SLC9A8: variants seen among roughly 807,000 people sequenced by gnomAD.
SLC9A8 encodes solute carrier family 9 member A8.
SLC9A8 carries 48 observed loss-of-function variants against 66.6 expected under a neutral mutation model. The observed-to-expected ratio is 0.72, with a 90% CI of 0.57 to 0.92. The LOEUF (loss-of-function observed/expected upper bound fraction) is 0.92, where lower values mean the gene tolerates loss of function less well. SLC9A8 is among the 40% of genes least tolerant of loss of function. The pLI is 0.00. For missense variants in SLC9A8, 599 were observed against 747.3 expected (o/e 0.80, Z 2.31); for synonymous variants, 274 against 282.6 (o/e 0.97, Z 0.31).
intron 3 of SLC9A8, among the ~76,000 whole-genome samples, chr20:49,834,183 CTCTATATATATATA>C (rs1403038119): frequency 5.5e-3 from 202 of 36,988 alleles, no homozygotes; most frequent in Middle Eastern, 0.015. Context: ...CTCTCTCTCT[CTCTATATATATATA>C]TATATATATA....
rs1301717822 is a variant in SLC9A8, at chr20:49,866,266, T to C, written c.958+1422T>C. ...CGTGTTTTTGCGTGTGGCAGTAGTT[T>C]ATCGTTCTTATTGCACCACAGTTTG... is the stretch of plus-strand genomic sequence containing the variant. On this transcript the variant is annotated intron_variant, in intron 10 of 15. Transcript: ENST00000361573. Among the ~76,000 whole-genome samples, 6 of 152,342 alleles carry C rather than the reference T, an allele frequency of 3.9e-5. No individual in the cohort carries two copies. In the East Asian group the frequency reaches 7.7e-4, roughly 20 times the overall value.
Position 49,884,068 on chromosome 20 carries a change from T to C in SLC9A8, c.1491+2T>C. 6.2e-7 allele frequency: 1 copy of C among 1,612,922 alleles called. No homozygotes were observed. The highest frequency in any genetic ancestry group is 8.5e-7 in the Non-Finnish European group (1 of 1,179,626). Reference sequence around the variant, plus strand: ...AACCTCAGCAAGACTGAGAAGATGGTTAGTACCATGCGCCTGTGGGGGTGG... The same window carrying C: ...AACCTCAGCAAGACTGAGAAGATGGCTAGTACCATGCGCCTGTGGGGGTGG... On this transcript the variant is annotated splice_donor_variant, in intron 14 of 15. Coordinates refer to ENST00000361573, the MANE Select transcript of SLC9A8 (RefSeq NM_015266.3). LOFTEE classifies it high-confidence loss of function.
chr20:49,843,645 G>C (rs1482696680), intron 4 of SLC9A8, among the ~76,000 whole-genome samples: 1 of 152,104 alleles, frequency 6.6e-6, no homozygotes, highest in Non-Finnish European at 1.5e-5. Flanking sequence ...CCAACAACTA[G>C]AGAGATATAT....
intron 12 of SLC9A8, among the ~76,000 whole-genome samples, chr20:49,879,616 G>A (rs1489949355): frequency 5.3e-5 from 8 of 152,092 alleles, no homozygotes; most frequent in Admixed American, 5.2e-4. Context: ...CTTGAGGTCA[G>A]CAGTTTGAGA....
intron 5 of SLC9A8, among the ~76,000 whole-genome samples, chr20:49,848,330 T>C (rs2088097871): frequency 6.6e-6 from 1 of 152,222 alleles, no homozygotes; most frequent in Admixed American, 6.5e-5. Context: ...TAAAATTCTT[T>C]GTGCAGTAAA....
chr20:49,813,628 T>C (rs568336189), intron 1 of SLC9A8, among the ~76,000 whole-genome samples: 7 of 152,356 alleles, frequency 4.6e-5, no homozygotes, highest in Admixed American at 2.0e-4. Context: ...TTTTCTCACG[T>C]CTGCAGTTCT....
intron 7 of SLC9A8, among the ~76,000 whole-genome samples, chr20:49,854,617 G>C (rs935325310): frequency 3.3e-5 from 5 of 152,112 alleles, no homozygotes; most frequent in African/African-American, 9.7e-5. Context: ...TCTACTGTTG[G>C]GGGTAGGAGT....
At chr20:49,887,385 G>T (rs577819685) in intron 15 of SLC9A8, among the ~76,000 whole-genome samples, 1 of 152,094 alleles carries the variant, frequency 6.6e-6, no homozygotes, top group Non-Finnish European at 1.5e-5. Context: ...GAGAGCTGCC[G>T]GTGTGTGCGC....
In SLC9A8 at chr20:49,888,217, G is replaced by A. The variant is rs2089962033; in HGVS notation, c.*281G>A. 2 of 356,320 alleles carry A rather than the reference G, an allele frequency of 5.6e-6. No homozygotes were observed. The highest frequency in any genetic ancestry group is 1.1e-5 in the Non-Finnish European group (2 of 189,146). The allele number at this position is 356,320 out of a possible 1,614,324, so 22.1% of individuals were successfully genotyped here. On this transcript the variant is annotated 3_prime_UTR_variant, in exon 16 of 16. Coordinates refer to ENST00000361573, the MANE Select transcript of SLC9A8 (RefSeq NM_015266.3). ...CAGAGGGGAGGGAGCATGGGGCCAG[G>A]TGCCAGTCATCTGTGAAGCTAGGGC...
In SLC9A8 at chr20:49,883,062, A is replaced by G. The variant is rs966934356; in HGVS notation, c.1271-784A>G. Among the ~76,000 whole-genome samples, 4 of 122,268 alleles carry G rather than the reference A, an allele frequency of 3.3e-5. No homozygotes were observed. The Admixed American group carries it at 3.3e-4, about 10-fold the overall frequency. The allele number at this position is 122,268 out of a possible 152,430, so 80.2% of individuals were successfully genotyped here. A position where few individuals can be genotyped will look rare whatever the true frequency, so the allele number is the denominator to read the frequency against. On this transcript the variant is annotated intron_variant, in intron 13 of 15. Coordinates refer to ENST00000361573, the MANE Select transcript of SLC9A8 (RefSeq NM_015266.3). ...TTCCAGGTAGCATTTCACACCCCTT[A>G]TTTGCTGTGCCTCCTCCCAGCTGCT...
At chr20:49,887,345 C>T (rs567799664) in intron 15 of SLC9A8, among the ~76,000 whole-genome samples, 2 of 152,078 alleles carry the variant, frequency 1.3e-5, no homozygotes, top group Non-Finnish European at 2.9e-5. Flanking sequence ...TGTTTCCGAG[C>T]AGGCCCATTT....
intron 8 of SLC9A8, among the ~76,000 whole-genome samples, chr20:49,859,583 T>C: frequency 6.6e-6 from 1 of 152,150 alleles, no homozygotes; most frequent in Non-Finnish European, 1.5e-5. Context: ...GAGGTATACT[T>C]CATAAACGAT....
Position 49,888,937 on chromosome 20 carries a change from C to G in SLC9A8, c.*1001C>G, listed in dbSNP as rs1015192192. 1 of 152,482 alleles carries G rather than the reference C, an allele frequency of 6.6e-6. No individual in the cohort carries two copies. The highest frequency in any genetic ancestry group is 1.5e-5 in the Non-Finnish European group (1 of 68,222). The allele number at this position is 152,482 out of a possible 1,614,324, so 9.4% of individuals were successfully genotyped here. A position where few individuals can be genotyped will look rare whatever the true frequency, so the allele number is the denominator to read the frequency against. On this transcript the variant is annotated 3_prime_UTR_variant, in exon 16 of 16. Transcript: ENST00000361573. ...CTCCCAGTTCCCTACCACGTTGGATCCCATTCGTCACCCATGCTAGGGTCC... is the reference window on the plus strand; with the variant it reads ...CTCCCAGTTCCCTACCACGTTGGATGCCATTCGTCACCCATGCTAGGGTCC...
At chr20:49,815,451 C>T (rs905692773) in intron 2 of SLC9A8, 24 of 319,322 alleles carry the variant, frequency 7.5e-5, no homozygotes, top group African/African-American at 4.9e-4. Flanking sequence ...AAATTTTGGC[C>T]TAGAAAGAAT....
In SLC9A8 at chr20:49,864,872, G is replaced by T. The variant is rs558335310; in HGVS notation, c.958+28G>T. Reference sequence around the variant, plus strand: ...AAGTGACAGAGAGCCTGAAAGTGCTGTGGTGATGGCATCTTGTCCTGCCTG... The same window carrying T: ...AAGTGACAGAGAGCCTGAAAGTGCTTTGGTGATGGCATCTTGTCCTGCCTG... On this transcript the variant is annotated intron_variant, in intron 10 of 15. Transcript: ENST00000361573. 5 of 1,425,530 alleles carry T rather than the reference G, an allele frequency of 3.5e-6. 1 individual carries two copies. In the South Asian group the frequency reaches 5.7e-5, roughly 16 times the overall value. 88.3% of individuals were successfully genotyped at this position (1,425,530 alleles called of 1,614,324 possible). A position where few individuals can be genotyped will look rare whatever the true frequency, so the allele number is the denominator to read the frequency against.
intron 4 of SLC9A8, among the ~76,000 whole-genome samples, chr20:49,844,666 A>G (rs1305766733): frequency 6.8e-6 from 1 of 147,874 alleles, no homozygotes; most frequent in African/African-American, 2.5e-5. Context: ...CCGGCATGGT[A>G]GCACGCACAT....
chr20:49,843,777 A>G lies in SLC9A8; in HGVS notation c.349-1259A>G, dbSNP rs575278657. Reference sequence around the variant, plus strand: ...GGAAGCATGGTGCTATGGTTTGGGCATTTGTCTCCCCAAACCTCATGCTGA... The same window carrying G: ...GGAAGCATGGTGCTATGGTTTGGGCGTTTGTCTCCCCAAACCTCATGCTGA... On this transcript the variant is annotated intron_variant, in intron 4 of 15. Transcript: ENST00000361573. Among the ~76,000 whole-genome samples the G allele has an allele frequency of 4.6e-5, 7 of 152,276 alleles. No individual in the cohort carries two copies. The South Asian group carries it at 6.2e-4, about 14-fold the overall frequency.
intron 10 of SLC9A8, among the ~76,000 whole-genome samples, chr20:49,869,375 C>T (rs370972910): frequency 3.9e-5 from 6 of 151,922 alleles, no homozygotes; most frequent in African/African-American, 1.2e-4. Context: ...CCCACCACCA[C>T]GCCCGACTAA....
At chr20:49,851,059 T>C (rs1298286798) in intron 7 of SLC9A8, among the ~76,000 whole-genome samples, 2 of 152,210 alleles carry the variant, frequency 1.3e-5, no homozygotes, top group African/African-American at 2.4e-5. Flanking sequence ...TAGTGGGGCA[T>C]TGCTGATTGG....
Sources: allele counts gnomAD v4.1 joint callset (sites outside exome capture counted in the v4.1 genomes callset), GRCh38; gene constraint gnomAD v4.1.1; transcripts MANE v1.5; gene names NCBI Gene and HGNC (gene_info 2026-07-23, HGNC 2026-07-21).